The following WBP1L variants were observed in gnomAD, a reference collection of about 807,000 sequenced individuals.
The protein encoded by WBP1L is WW domain binding protein 1 like, also known as WW domain binding protein 1-like.
In WBP1L, 17 loss-of-function variants were observed where a neutral mutation model predicts 33.7. That is an observed-to-expected ratio of 0.50 (90% CI 0.34 to 0.76). The LOEUF (loss-of-function observed/expected upper bound fraction) is 0.76. Among genes scored for constraint, WBP1L ranks in the 30% least tolerant of loss-of-function variants. WBP1L has a pLI of 0.01. For missense variants in WBP1L, 389 were observed against 469.4 expected, an observed-to-expected ratio of 0.83 and a Z score of 1.58; for synonymous variants, 173 against 190.8, an observed-to-expected ratio of 0.91 and a Z score of 0.77.
chr10:102,790,519 A>G (rs1843480468), intron 1 of WBP1L, among the ~76,000 whole-genome samples: 1 of 151,694 alleles, frequency 6.6e-6, no homozygotes, highest in Non-Finnish European at 1.5e-5. Context: ...CTTTATTTTT[A>G]TTTTTATTTT....
In WBP1L at chr10:102,812,978, G is replaced by A; in HGVS notation, c.739G>A (p.Asp247Asn). The change falls in exon 4 of 4, where the codon GAC becomes AAC. Residue 247 changes from aspartate to asparagine, a missense_variant. Coordinates refer to ENST00000448841, the MANE Select transcript of WBP1L (RefSeq NM_001083913.2). Reference sequence around the variant, plus strand: ...ATGTAGGGAGGAGCTGCTGAAAGATGACAGCTCTGAACACGGCGCACCCGA... The same window carrying A: ...ATGTAGGGAGGAGCTGCTGAAAGATAACAGCTCTGAACACGGCGCACCCGA... ...AECREELLKD[D>N]SSEHGAPDSK... is the part of the protein sequence containing the mutation. 1 of 1,611,924 alleles carries A rather than the reference G, an allele frequency of 6.2e-7. No homozygotes were observed. The highest frequency in any genetic ancestry group is 8.5e-7 in the Non-Finnish European group (1 of 1,178,626).
At chr10:102,810,437 A>ATCCC (rs1181295887) in intron 3 of WBP1L, among the ~76,000 whole-genome samples, 1 of 90,780 alleles carries the variant, frequency 1.1e-5, no homozygotes, top group South Asian at 3.7e-4. Flanking sequence ...CTGCCTTTCC[A>ATCCC]TCCCTCCCTC....
chr10:102,769,822 A>C (rs1446578474), intron 1 of WBP1L, among the ~76,000 whole-genome samples: 1 of 152,220 alleles, frequency 6.6e-6, no homozygotes, highest in African/African-American at 2.4e-5. Flanking sequence ...AGGATTACAT[A>C]CTGCAGTTAA....
At chr10:102,792,526 T>G (rs902167041) in intron 1 of WBP1L, among the ~76,000 whole-genome samples, 1 of 152,096 alleles carries the variant, frequency 6.6e-6, no homozygotes, top group Non-Finnish European at 1.5e-5. Flanking sequence ...GGGCTTTGCT[T>G]GTAGCGTTTT....
At position 102,794,403 on chromosome 10, in the gene WBP1L, C is replaced by T. The variant is rs546128686; in HGVS notation, c.91-3590C>T. Among the ~76,000 whole-genome samples the T allele has an allele frequency of 8.6e-5, 13 of 151,074 alleles. No individual in the cohort carries two copies. The South Asian group carries it at 2.3e-3, about 27-fold the overall frequency. Reference sequence around the variant, plus strand: ...CTGAGGCAGGAGAATCATTTGAACCCGGGAGGTGGAGGTTGCAGTGAGTCA... The same window carrying T: ...CTGAGGCAGGAGAATCATTTGAACCTGGGAGGTGGAGGTTGCAGTGAGTCA... On this transcript the variant is annotated intron_variant, in intron 1 of 3. Coordinates refer to ENST00000448841, the MANE Select transcript of WBP1L (RefSeq NM_001083913.2).
rs747073710 is a variant in WBP1L at position 102,744,078 on chromosome 10, G to A, written c.25G>A (p.Gly9Ser). 1 of 1,552,716 alleles carries A rather than the reference G, an allele frequency of 6.4e-7. No homozygotes were observed. Among genetic ancestry groups the A allele is most frequent in the Non-Finnish European group, 8.7e-7 (1 of 1,148,324 alleles). ...GATGGAGAGGAGAAGGCTCCTGGGTGGCATGGCGCTCCTGCTCCTCCAGGC... is the reference window on the plus strand; with the variant it reads ...GATGGAGAGGAGAAGGCTCCTGGGTAGCATGGCGCTCCTGCTCCTCCAGGC... MERRRLLG[G>S]MALLLLQALP... Residue 9 changes from glycine to serine, a missense_variant, in exon 1 of 4, where the codon GGC (glycine) becomes AGC (serine). By Grantham distance (56) the Gly-to-Ser change is moderately conservative. Transcript: ENST00000448841.
intron 2 of WBP1L, among the ~76,000 whole-genome samples, chr10:102,799,694 G>A (rs867541759): frequency 6.6e-6 from 1 of 152,070 alleles, no homozygotes; most frequent in Non-Finnish European, 1.5e-5. Flanking sequence ...AACAGACTTC[G>A]GGTTTGTCAA....
Position 102,815,323 on chromosome 10 carries a change from G to T in WBP1L, c.*1992G>T, listed in dbSNP as rs1843920634. On this transcript the variant is annotated 3_prime_UTR_variant, in exon 4 of 4. Coordinates refer to ENST00000448841, the MANE Select transcript of WBP1L (RefSeq NM_001083913.2). Reference sequence around the variant, plus strand: ...GTGGACACTCGGAGGCCTGCGTTCTGTTCCCTATAAATGGAAGCGTGCTCT... The same window carrying T: ...GTGGACACTCGGAGGCCTGCGTTCTTTTCCCTATAAATGGAAGCGTGCTCT... 1 of 152,678 alleles carries T rather than the reference G, an allele frequency of 6.5e-6. No individual in the cohort carries two copies. The highest frequency in any genetic ancestry group is 1.5e-5 in the Non-Finnish European group (1 of 68,062). The allele number at this position is 152,678 out of a possible 1,614,324, so 9.5% of individuals were successfully genotyped here.
intron 2 of WBP1L, among the ~76,000 whole-genome samples, chr10:102,799,757 C>G (rs1843627276): frequency 6.6e-6 from 1 of 152,102 alleles, no homozygotes; most frequent in Admixed American, 6.6e-5. Flanking sequence ...TTCTCATCCC[C>G]CCCATCAACC....
intron 1 of WBP1L, among the ~76,000 whole-genome samples, chr10:102,763,098 G>C (rs1226560794): frequency 6.6e-6 from 1 of 151,274 alleles, no homozygotes; most frequent in Admixed American, 6.6e-5. Context: ...CAGCTACTTC[G>C]GAAGCTGAGG....
At chr10:102,795,590 T>C (rs1843562538) in intron 1 of WBP1L, among the ~76,000 whole-genome samples, 1 of 152,242 alleles carries the variant, frequency 6.6e-6, no homozygotes, top group African/African-American at 2.4e-5. Flanking sequence ...CCACTCTATG[T>C]CTCACTTAAG....
intron 1 of WBP1L, chr10:102,776,124 G>T: frequency 2.2e-6 from 3 of 1,354,562 alleles, no homozygotes; most frequent in Non-Finnish European, 2.9e-6. Context: ...TTTCCCCCTT[G>T]GCAGACAGCT....
chr10:102,776,293 A>G (rs1843260814), intron 1 of WBP1L: 4 of 1,611,778 alleles, frequency 2.5e-6, no homozygotes, highest in African/African-American at 1.3e-5. Context: ...AACCAGGACC[A>G]CCGCACACAC....
chr10:102,757,037 G>C (rs1420410025), intron 1 of WBP1L, among the ~76,000 whole-genome samples: 2 of 152,054 alleles, frequency 1.3e-5, no homozygotes, highest in African/African-American at 4.8e-5. Context: ...ACCAACGTTT[G>C]CCACCACACC....
At chr10:102,749,486 T>A (rs1169985838) in intron 1 of WBP1L, among the ~76,000 whole-genome samples, 1 of 151,804 alleles carries the variant, frequency 6.6e-6, no homozygotes, top group African/African-American at 2.4e-5. Flanking sequence ...AAAAAATTTT[T>A]TTTTAAGTAG....
intron 1 of WBP1L, among the ~76,000 whole-genome samples, chr10:102,767,150 A>G (rs1843121961): frequency 1.3e-5 from 2 of 152,332 alleles, no homozygotes; most frequent in Non-Finnish European, 2.9e-5. Flanking sequence ...CCCATTAACT[A>G]TTGGTGAAGG....
intron 1 of WBP1L, among the ~76,000 whole-genome samples, chr10:102,797,742 G>A (rs1843593579): frequency 6.6e-6 from 1 of 151,874 alleles, no homozygotes; most frequent in African/African-American, 2.4e-5. Flanking sequence ...TAGTAGAGAC[G>A]GGATTTCATC....
chr10:102,779,179 C>A lies in WBP1L; in HGVS notation c.91-18814C>A, dbSNP rs190057005. ...ATAAAATGCTGCTTACCCCTTAATCCCAGCTTTTCAGGAGGCTGAGGCAGG... is the reference window on the plus strand; with the variant it reads ...ATAAAATGCTGCTTACCCCTTAATCACAGCTTTTCAGGAGGCTGAGGCAGG... On this transcript the variant is annotated intron_variant, in intron 1 of 3. Coordinates refer to ENST00000448841, the MANE Select transcript of WBP1L (RefSeq NM_001083913.2). 2.4e-3 allele frequency among the ~76,000 whole-genome samples: 366 copies of A among 151,898 alleles called. 4 individuals are homozygous for A. The highest frequency in any genetic ancestry group is 8.4e-3 in the African/African-American group (350 of 41,480).
At chr10:102,790,579 C>T (rs954789074) in intron 1 of WBP1L, among the ~76,000 whole-genome samples, 16 of 152,090 alleles carry the variant, frequency 1.1e-4, no homozygotes, top group Admixed American at 3.9e-4. Context: ...GGTGCAATCT[C>T]GGCTCACTGC....
Sources: gnomAD v4.1 joint callset for allele counts (sites outside exome capture counted in the v4.1 genomes callset) on GRCh38, gnomAD v4.1.1 for gene constraint, MANE v1.5 for transcripts, NCBI Gene and HGNC (gene_info 2026-07-23, HGNC 2026-07-21) for gene names.